The following CNKSR2 variants were observed in gnomAD, a reference collection of about 807,000 sequenced individuals.
CNKSR2 encodes the protein connector enhancer of kinase suppressor of Ras 2.
Under a neutral mutation model 84.4 loss-of-function variants are expected in CNKSR2, and 14 were observed. That is an observed-to-expected ratio of 0.17 (90% confidence interval 0.11 to 0.26). The LOEUF is 0.26. CNKSR2 is among the 10% of genes least tolerant of loss of function. The pLI is 1.00. For missense variants in CNKSR2, 485 were observed against 771.2 expected, an observed-to-expected ratio of 0.63 and a Z score of 4.40; for synonymous variants, 275 against 277.9, an observed-to-expected ratio of 0.99 and a Z score of 0.10.
chrX:21,565,561 A>C lies in CNKSR2; in HGVS notation c.1608+2109A>C, dbSNP rs190697396. ...ACATGGTATTTCCCAGATAGTTGAC[A>C]TCTATCTCAACTAATTTTTGACAGA... On this transcript the variant is annotated intron_variant, in intron 13 of 21. Coordinates refer to ENST00000379510, the MANE Select transcript of CNKSR2 (RefSeq NM_014927.5). 7.2e-4 allele frequency among the ~76,000 whole-genome samples: 80 copies of C among 111,454 alleles called. 1 individual carries two copies. Among genetic ancestry groups the C allele is most frequent in the African/African-American group, 2.3e-3 (72 of 30,656 alleles).
chrX:21,641,543 T>A, intron 20 of CNKSR2: 1 of 1,176,881 alleles, frequency 8.5e-7, no homozygotes, highest in African/African-American at 1.8e-5. Flanking sequence ...GCTAATACAC[T>A]GCGAGAGTTG....
At chrX:21,547,454 A>T (rs1333822086) in intron 11 of CNKSR2, among the ~76,000 whole-genome samples, 3 of 111,299 alleles carry the variant, frequency 2.7e-5, no homozygotes, top group Non-Finnish European at 3.8e-5. Context: ...CTACAAAGAG[A>T]CTTAGACTCC....
intron 20 of CNKSR2, among the ~76,000 whole-genome samples, chrX:21,628,473 AC>A (rs1355860897): frequency 1.8e-5 from 2 of 110,300 alleles, no homozygotes; most frequent in African/African-American, 6.6e-5. Context: ...CTCCATGAGA[AC>A]CCCGTCCCTG....
intron 9 of CNKSR2, among the ~76,000 whole-genome samples, chrX:21,519,450 G>T (rs1376346875): frequency 9.0e-6 from 1 of 110,717 alleles, no homozygotes; most frequent in African/African-American, 3.3e-5. Flanking sequence ...TACCTAAGGA[G>T]CTACCTCAGA....
intron 1 of CNKSR2, among the ~76,000 whole-genome samples, 190 bp downstream of exon 1, chrX:21,375,151 T>C (rs1042861382): frequency 9.0e-6 from 1 of 111,698 alleles, no homozygotes; most frequent in Non-Finnish European, 1.9e-5. Flanking sequence ...TGTCTCCAGC[T>C]AGAGGGGCGC....
intron 5 of CNKSR2, among the ~76,000 whole-genome samples, chrX:21,486,080 C>T (rs1311981354): frequency 9.0e-6 from 1 of 111,197 alleles, no homozygotes; most frequent in African/African-American, 3.3e-5. Flanking sequence ...TGCAGTGAGC[C>T]GCCACTGCAC....
intron 11 of CNKSR2, among the ~76,000 whole-genome samples, chrX:21,533,076 G>T (rs932876410): frequency 4.5e-5 from 5 of 110,873 alleles, no homozygotes; most frequent in Non-Finnish European, 9.5e-5. Context: ...TCCCCAAAAT[G>T]ATGCTAAAGA....
chrX:21,446,137 C>T (rs1386187941), intron 4 of CNKSR2, among the ~76,000 whole-genome samples: 4 of 110,733 alleles, frequency 3.6e-5, no homozygotes, highest in African/African-American at 1.3e-4. Context: ...TTTAATTTTT[C>T]TTCAGCCTTT....
At chrX:21,464,085 C>T (rs2091096046) in intron 4 of CNKSR2, among the ~76,000 whole-genome samples, 1 of 112,161 alleles carries the variant, frequency 8.9e-6, no homozygotes, top group Non-Finnish European at 1.9e-5. Context: ...TGGGGCCCCA[C>T]ATCGCTGTAG....
Position 21,589,113 on chromosome X carries a change from A to G in CNKSR2, c.1609-1459A>G, listed in dbSNP as rs367633488. On this transcript the variant is annotated intron_variant, in intron 13 of 21. Coordinates refer to ENST00000379510, the MANE Select transcript of CNKSR2 (RefSeq NM_014927.5). Reference sequence around the variant, plus strand: ...AACCATGCATGCTGCAAAGTTTGATATGTGTGTGTGTATGTGTGTACACAC... The same window carrying G: ...AACCATGCATGCTGCAAAGTTTGATGTGTGTGTGTGTATGTGTGTACACAC... 1.7e-4 allele frequency among the ~76,000 whole-genome samples: 19 copies of G among 112,385 alleles called. No individual in the cohort carries two copies. The East Asian group carries it at 2.8e-3, about 16-fold the overall frequency.
chrX:21,406,538 TCTAA>T (rs1400455625), intron 1 of CNKSR2, among the ~76,000 whole-genome samples: 12 of 111,417 alleles, frequency 1.1e-4, no homozygotes, highest in East Asian at 2.8e-4. Flanking sequence ...TGCTCAGGAG[TCTAA>T]CTATGTATCT....
intron 1 of CNKSR2, among the ~76,000 whole-genome samples, chrX:21,400,496 G>A (rs2090175922): frequency 9.0e-6 from 1 of 110,992 alleles, no homozygotes; most frequent in African/African-American, 3.3e-5. Flanking sequence ...TGGCACATGG[G>A]CACAATAAAT....
At chrX:21,632,990 TACACACAC>T (rs200936630) in intron 20 of CNKSR2, among the ~76,000 whole-genome samples, 8 of 100,672 alleles carry the variant, frequency 7.9e-5, no homozygotes, top group East Asian at 3.1e-4. Flanking sequence ...TTATATAATA[TACACACAC>T]ACACACACAC....
chrX:21,554,441 C>T (rs958191042), intron 11 of CNKSR2, among the ~76,000 whole-genome samples: 10 of 111,111 alleles, frequency 9.0e-5, no homozygotes, highest in South Asian at 3.8e-4. Context: ...GGTGTTTAGA[C>T]TAGTACCCGT....
chrX:21,618,805 A>G (rs2092589365), intron 20 of CNKSR2, among the ~76,000 whole-genome samples: 1 of 111,957 alleles, frequency 8.9e-6, no homozygotes, highest in Middle Eastern at 4.6e-3. Flanking sequence ...TTCAACATGC[A>G]TTTGTTTATT....
chrX:21,482,567 TAGG>T (rs2091332700), intron 5 of CNKSR2, among the ~76,000 whole-genome samples: 2 of 112,045 alleles, frequency 1.8e-5, no homozygotes, highest in Middle Eastern at 4.6e-3. Flanking sequence ...TGTAAGAAAT[TAGG>T]AGGAAATTAT....
chrX:21,507,128 G>A (rs1161860351), intron 8 of CNKSR2, among the ~76,000 whole-genome samples: 3 of 110,366 alleles, frequency 2.7e-5, no homozygotes, highest in South Asian at 7.7e-4. Flanking sequence ...AAAGGGAAAC[G>A]CTAAAGAACC....
At chrX:21,530,391 C>G (rs916833913) in intron 10 of CNKSR2, among the ~76,000 whole-genome samples, 2 of 111,075 alleles carry the variant, frequency 1.8e-5, no homozygotes, top group Admixed American at 9.6e-5. Context: ...TTTGGACAAA[C>G]CTAAACATTT....
chrX:21,465,571 AT>A, intron 4 of CNKSR2, among the ~76,000 whole-genome samples: 1 of 111,473 alleles, frequency 9.0e-6, no homozygotes, highest in Non-Finnish European at 1.9e-5. Flanking sequence ...GTAAAACAAT[AT>A]TTTTATATTA....
Sources: gnomAD v4.1 joint callset for allele counts (sites outside exome capture counted in the v4.1 genomes callset) on GRCh38, gnomAD v4.1.1 for gene constraint, MANE v1.5 for transcripts, NCBI Gene and HGNC (gene_info 2026-07-23, HGNC 2026-07-21) for gene names.